HMBOX1: variants seen among roughly 807,000 people sequenced by gnomAD.
HMBOX1 encodes the protein homeobox containing 1.
HMBOX1 carries 14 observed loss-of-function variants against 54.5 expected under a neutral mutation model. The ratio of observed to expected loss-of-function variants is 0.26; its 90% CI spans 0.17 to 0.40. The LOEUF is 0.40. HMBOX1 is among the 10% of genes least tolerant of loss of function. HMBOX1 has a pLI of 1.00. For synonymous variants in HMBOX1, 160 were observed against 181.0 expected, an observed-to-expected ratio of 0.88 and a Z score of 0.93; for missense variants, 332 against 514.4, an observed-to-expected ratio of 0.65 and a Z score of 3.43.
chr8:28,975,884 C>T (rs1036483879), intron 3 of HMBOX1, among the ~76,000 whole-genome samples: 1 of 151,934 alleles, frequency 6.6e-6, no homozygotes, highest in African/African-American at 2.4e-5. Flanking sequence ...TTTCACACTA[C>T]CAAAGTGGTG....
intron 1 of HMBOX1, among the ~76,000 whole-genome samples, chr8:28,922,755 A>G (rs1444497610): frequency 6.6e-6 from 1 of 152,174 alleles, no homozygotes; most frequent in Non-Finnish European, 1.5e-5. Context: ...AGGAGTAACA[A>G]TATATTATTT....
rs1250262978 is a variant in HMBOX1 at position 29,052,147 on chromosome 8, T to TG, written c.*993dup. The TG allele has an allele frequency of 6.5e-6, 1 of 153,890 alleles. No individual in the cohort carries two copies. Among genetic ancestry groups the TG allele is most frequent in the African/African-American group, 2.4e-5 (1 of 41,442 alleles). 9.5% of individuals were successfully genotyped at this position (153,890 alleles called of 1,614,324 possible). ...AAGGTCAAAAATGAGTGAAAAAACT[T>TG]GCAGTGTTTGTATCCATTAAACGGA... is the stretch of plus-strand genomic sequence containing the variant. On this transcript the variant is annotated 3_prime_UTR_variant, in exon 10 of 10. Coordinates refer to ENST00000287701, the MANE Select transcript of HMBOX1 (RefSeq NM_001135726.3).
In HMBOX1 at chr8:29,044,482, A is replaced by G. The variant is rs532291858; in HGVS notation, c.852-879A>G. 3.3e-5 allele frequency among the ~76,000 whole-genome samples: 5 copies of G among 152,220 alleles called. No individual in the cohort carries two copies. The South Asian group carries it at 1.0e-3, about 32-fold the overall frequency. On this transcript the variant is annotated intron_variant, in intron 6 of 9. Transcript: ENST00000287701. ...CAGTAAATTTATTTTTTAAAGTACTATCGTACTTTAAAAAGTGCAAAAGTA... is the reference window on the plus strand; with the variant it reads ...CAGTAAATTTATTTTTTAAAGTACTGTCGTACTTTAAAAAGTGCAAAAGTA...
intron 3 of HMBOX1, among the ~76,000 whole-genome samples, chr8:28,977,888 G>C (rs1828684232): frequency 6.6e-6 from 1 of 151,126 alleles, no homozygotes; most frequent in Non-Finnish European, 1.5e-5. Context: ...AGCTTGCAGT[G>C]AGCCAGTATC....
intron 3 of HMBOX1, among the ~76,000 whole-genome samples, chr8:28,979,773 G>A (rs2132469473): frequency 6.6e-6 from 1 of 152,264 alleles, no homozygotes; most frequent in East Asian, 1.9e-4. Flanking sequence ...CCATATGACA[G>A]CCTTGTTCCT....
At chr8:28,980,568 T>A (rs1224739506) in intron 4 of HMBOX1, among the ~76,000 whole-genome samples, 1 of 152,178 alleles carries the variant, frequency 6.6e-6, no homozygotes, top group East Asian at 1.9e-4. Context: ...AGTTGTTTTT[T>A]AAACCACTTT....
chr8:29,032,574 G>A (rs1333078157), intron 6 of HMBOX1, among the ~76,000 whole-genome samples: 1 of 152,070 alleles, frequency 6.6e-6, no homozygotes, highest in East Asian at 1.9e-4. Flanking sequence ...TGCATTGCTA[G>A]GATGAAAATT....
At chr8:28,909,061 C>T (rs555745670) in intron 1 of HMBOX1, among the ~76,000 whole-genome samples, 5 of 149,932 alleles carry the variant, frequency 3.3e-5, no homozygotes, top group Non-Finnish European at 5.9e-5. Context: ...CACCACTACA[C>T]TCCAAGATGG....
At chr8:28,991,697 G>A (rs959181934) in intron 4 of HMBOX1, among the ~76,000 whole-genome samples, 34 of 152,090 alleles carry the variant, frequency 2.2e-4, no homozygotes, top group African/African-American at 8.0e-4. Context: ...TCCCTTGACA[G>A]TTTTAAACAT....
intron 6 of HMBOX1, among the ~76,000 whole-genome samples, chr8:29,040,585 G>C (rs1362655961): frequency 6.6e-6 from 1 of 152,100 alleles, no homozygotes; most frequent in Non-Finnish European, 1.5e-5. Flanking sequence ...ACAGTCCTTT[G>C]TATACACCTC....
In HMBOX1 at chr8:28,896,703, G is replaced by C. The variant is rs181610688; in HGVS notation, c.-58+6025G>C. ...ACAGTTGCCTACAATGTTTAATACA[G>C]TAACATGCTGTACAGGTTTGTAGCC... On this transcript the variant is annotated intron_variant, in intron 1 of 9. Coordinates refer to ENST00000287701, the MANE Select transcript of HMBOX1 (RefSeq NM_001135726.3). Among the ~76,000 whole-genome samples the C allele has an allele frequency of 7.9e-4, 120 of 152,116 alleles. 4 individuals are homozygous for C. Among genetic ancestry groups the C allele is most frequent in the African/African-American group, 2.7e-3 (113 of 41,530 alleles).
chr8:28,902,681 A>G (rs539216193), intron 1 of HMBOX1, among the ~76,000 whole-genome samples: 1 of 152,340 alleles, frequency 6.6e-6, no homozygotes, highest in Non-Finnish European at 1.5e-5. Flanking sequence ...CAAAAGAGAA[A>G]GGAAGTCAGG....
intron 1 of HMBOX1, among the ~76,000 whole-genome samples, chr8:28,910,283 T>A (rs967999704): frequency 2.0e-5 from 3 of 152,222 alleles, no homozygotes; most frequent in African/African-American, 7.2e-5. Context: ...CATTCAGTTG[T>A]TTTAAAATAC....
intron 1 of HMBOX1, among the ~76,000 whole-genome samples, chr8:28,944,566 G>A (rs986001530): frequency 1.3e-5 from 2 of 152,178 alleles, no homozygotes; most frequent in Admixed American, 6.5e-5. Flanking sequence ...CCAAACGTTG[G>A]ATTACTATTC....
intron 6 of HMBOX1, among the ~76,000 whole-genome samples, chr8:29,025,596 A>G (rs566741698): frequency 2.6e-4 from 40 of 152,290 alleles, no homozygotes; most frequent in African/African-American, 8.9e-4. Context: ...TTCTAGTTTA[A>G]TGCTTTGACT....
intron 6 of HMBOX1, among the ~76,000 whole-genome samples, chr8:29,043,755 C>T (rs374623563): frequency 6.6e-6 from 1 of 152,244 alleles, no homozygotes. Flanking sequence ...TGTTAGTTCT[C>T]AGAGTTAATC....
intron 5 of HMBOX1, among the ~76,000 whole-genome samples, chr8:29,015,943 T>G (rs976758302): frequency 6.6e-6 from 1 of 152,260 alleles, no homozygotes; most frequent in Non-Finnish European, 1.5e-5. Context: ...TTGCCAACTC[T>G]GTTTTAGGGT....
intron 1 of HMBOX1, among the ~76,000 whole-genome samples, chr8:28,909,852 CT>C (rs879391869): frequency 5.4e-4 from 79 of 146,430 alleles, no homozygotes; most frequent in Non-Finnish European, 5.8e-4. Flanking sequence ...AATTTTAGAA[CT>C]TTTTTTTTTT....
intron 1 of HMBOX1, among the ~76,000 whole-genome samples, chr8:28,941,099 C>G (rs1478648231): frequency 1.3e-5 from 2 of 152,064 alleles, no homozygotes; most frequent in Non-Finnish European, 2.9e-5. Flanking sequence ...AGAAAAATTA[C>G]CTAAGCCTAG....
Sources: gnomAD v4.1 joint callset for allele counts (sites outside exome capture counted in the v4.1 genomes callset) on GRCh38, gnomAD v4.1.1 for gene constraint, MANE v1.5 for transcripts, NCBI Gene and HGNC (gene_info 2026-07-23, HGNC 2026-07-21) for gene names.